GRK1: variants seen among roughly 807,000 people sequenced by gnomAD.
GRK1 encodes the protein G protein-coupled receptor kinase 1, also known as rhodopsin kinase GRK1.
Under a neutral mutation model 41.7 loss-of-function variants are expected in GRK1, and 28 were observed. That is an observed-to-expected ratio of 0.67 (90% CI 0.50 to 0.92). The LOEUF (loss-of-function observed/expected upper bound fraction) is 0.92. Ranked by LOEUF, GRK1 falls within the 40% of genes least tolerant of loss-of-function variation. The pLI, the probability that GRK1 is intolerant of heterozygous loss-of-function variation, is 0.00. For synonymous variants in GRK1, 327 were observed against 286.7 expected (o/e 1.14, Z -1.42); for missense variants, 703 against 671.2 (o/e 1.05, Z -0.52).
At chr13:113,666,066 C>T (rs2049816335), upstream of GRK1, among the ~76,000 whole-genome samples, 1 of 146,330 alleles carries the variant, frequency 6.8e-6, no homozygotes, top group Admixed American at 6.8e-5. Flanking sequence ...CCTCAGCTCT[C>T]CCAGGTGTGT....
the GRK1 span, among the ~76,000 whole-genome samples, chr13:113,660,841 A>T: frequency 6.6e-6 from 1 of 152,258 alleles, no homozygotes; most frequent in Non-Finnish European, 1.5e-5. Flanking sequence ...CAAATGAAAA[A>T]CTAGAAAGCT....
chr13:113,665,020 G>A (rs1049948095), upstream of GRK1, among the ~76,000 whole-genome samples: 4 of 152,216 alleles, frequency 2.6e-5, no homozygotes, highest in Admixed American at 6.5e-5. Flanking sequence ...CCGTGGGGAC[G>A]TCGGCTCGGT....
chr13:113,658,810 T>A, the GRK1 span, among the ~76,000 whole-genome samples: 1 of 152,194 alleles, frequency 6.6e-6, no homozygotes, highest in African/African-American at 2.4e-5. Context: ...CCTTTAGGAT[T>A]TTTTTGTGTC....
At chr13:113,651,544 C>T in the GRK1 span, 1 of 1,107,442 alleles carries the variant, frequency 9.0e-7, no homozygotes, top group Non-Finnish European at 1.2e-6. Context: ...GTGTTTACGT[C>T]TGGTTTACTG....
the GRK1 span, among the ~76,000 whole-genome samples, chr13:113,652,022 C>T: frequency 1.3e-5 from 2 of 152,154 alleles, no homozygotes; most frequent in Non-Finnish European, 2.9e-5. Flanking sequence ...TCTTAGCCCT[C>T]GAACCATGTC....
Position 113,671,703 on chromosome 13 carries a change from G to A in GRK1, c.985+47G>A, listed in dbSNP as rs2140720373. On this transcript the variant is annotated intron_variant, in intron 3 of 6. Transcript: ENST00000335678. This position sits in a 1 kb window ranked among gnomAD's most constrained non-coding sequence, Gnocchi z 4.1. ...GAGGGATGAGGGCTACGAGGAGGGC[G>A]GGGCGCAGCTTCCTTGGGGGTCTCT... The A allele has an allele frequency of 1.1e-5, 8 of 707,144 alleles. No individual in the cohort carries two copies. Among genetic ancestry groups the A allele is most frequent in the Middle Eastern group, 3.5e-4 (1 of 2,892 alleles). 43.8% of individuals were successfully genotyped at this position (707,144 alleles called of 1,614,324 possible). A position where few individuals can be genotyped will look rare whatever the true frequency, so the allele number is the denominator to read the frequency against.
chr13:113,733,977 C>T (rs879725541), intron 6 of GRK1, among the ~76,000 whole-genome samples: 15,567 of 105,624 alleles, frequency 0.15, 1,147 homozygotes, highest in Middle Eastern at 0.34. Context: ...TGCGTGTGTG[C>T]GCATGTGTGT....
the GRK1 span, chr13:113,654,890 G>A: frequency 7.4e-6 from 12 of 1,614,122 alleles, no homozygotes; most frequent in East Asian, 2.2e-5. Context: ...GGCACAGGGC[G>A]AAGAGCCCAG....
At chr13:113,665,870 G>A (rs914115741), upstream of GRK1, among the ~76,000 whole-genome samples, 6 of 147,196 alleles carry the variant, frequency 4.1e-5, no homozygotes, top group African/African-American at 1.5e-4. Flanking sequence ...GTGTGTCCAA[G>A]ATGTGCCCCA....
intron 2 of GRK1, among the ~76,000 whole-genome samples, chr13:113,670,062 G>A (rs1224951014): frequency 6.6e-6 from 1 of 152,184 alleles, no homozygotes; most frequent in Non-Finnish European, 1.5e-5. Flanking sequence ...GTGTGGTCTT[G>A]GTGTGGGTGT....
chr13:113,665,264 G>T (rs139687823), upstream of GRK1, among the ~76,000 whole-genome samples: 7 of 152,300 alleles, frequency 4.6e-5, no homozygotes, highest in Non-Finnish European at 5.9e-5. Context: ...CCTACTGTGT[G>T]CTGGAATAAG....
At chr13:113,661,929 T>G in the GRK1 span, among the ~76,000 whole-genome samples, 1 of 152,346 alleles carries the variant, frequency 6.6e-6, no homozygotes, top group South Asian at 2.1e-4. Context: ...CTTCACCATC[T>G]TTTGGAAAAT....
At chr13:113,653,062 TGGAGAGTA>T in the GRK1 span, 3 of 1,609,898 alleles carry the variant, frequency 1.9e-6, no homozygotes, top group Non-Finnish European at 2.5e-6. Flanking sequence ...CCTGGGCTGC[TGGAGAGTA>T]GCCTGCAGAC....
In GRK1 at chr13:113,731,028, G is replaced by C. The variant is rs1865078221; in HGVS notation, c.1070-191G>C. ...GTGCTGCTGTCACCCCACAGGCAGA[G>C]TCTGGGGTGCTGCTTGGCACCCAGT... On this transcript the variant is annotated intron_variant, in intron 4 of 6. Coordinates refer to ENST00000335678, the MANE Select transcript of GRK1 (RefSeq NM_002929.3). This position sits in a 1 kb window ranked among gnomAD's most constrained non-coding sequence, Gnocchi z 5.6. The C allele has an allele frequency of 3.0e-6, 1 of 330,802 alleles. No individual in the cohort carries two copies. Among genetic ancestry groups the C allele is most frequent in the African/African-American group, 2.2e-5 (1 of 44,520 alleles). The allele number at this position is 330,802 out of a possible 1,614,324, so 20.5% of individuals were successfully genotyped here.
chr13:113,735,215 C>T lies in GRK1; in HGVS notation c.1544C>T (p.Pro515Leu), dbSNP rs973583215. 6.5e-7 allele frequency: 1 copy of T among 1,537,180 alleles called. No homozygotes were observed. Among genetic ancestry groups the T allele is most frequent in the South Asian group, 1.2e-5 (1 of 84,070 alleles). Reference protein sequence around the residue: ...FFQEFATGNCPIPWQEEMIET... With the variant: ...FFQEFATGNCLIPWQEEMIET... ...CAGGAATTTGCCACTGGCAACTGCC[C>T]CATCCCCTGGCAGGAGGAGATGATC... Residue 515 changes from proline to leucine, a missense_variant, in exon 7 of 7, where the codon CCC becomes CTC. Pro to Leu is a moderately conservative substitution (Grantham distance 98). Coordinates refer to ENST00000335678, the MANE Select transcript of GRK1 (RefSeq NM_002929.3).
rs1555361238 is a variant in GRK1, at chr13:113,733,890, C to CAT, written c.1396+805_1396+806insAT. ...GTGTGCGTGTGTGCATACGTGTGTG[C>CAT]GTGTGTGTATGTGTGCATACAGTGT... is the stretch of plus-strand genomic sequence containing the variant. On this transcript the variant is annotated intron_variant, in intron 6 of 6. Transcript: ENST00000335678. Among the ~76,000 whole-genome samples, 15 of 70,546 alleles carry CAT rather than the reference C, an allele frequency of 2.1e-4. No individual in the cohort carries two copies. In the Admixed American group the frequency reaches 2.4e-3, roughly 11 times the overall value. 46.3% of individuals were successfully genotyped at this position (70,546 alleles called of 152,430 possible).
the GRK1 span, chr13:113,653,437 GGA>G: frequency 1.1e-5 from 18 of 1,611,882 alleles, no homozygotes; most frequent in Non-Finnish European, 1.4e-5. Context: ...GGTTACCCCT[GGA>G]GAGAGAGACC....
upstream of GRK1, among the ~76,000 whole-genome samples, chr13:113,664,439 G>C (rs2049805926): frequency 6.6e-6 from 1 of 152,112 alleles, no homozygotes; most frequent in South Asian, 2.1e-4. The surrounding 1 kb of genome is among the most constrained non-coding windows in gnomAD (Gnocchi z 5.4). Flanking sequence ...ATTAAAAAGG[G>C]ATTTTCAGGG....
chr13:113,668,982 T>C (rs958722919), intron 1 of GRK1, among the ~76,000 whole-genome samples: 1 of 152,262 alleles, frequency 6.6e-6, no homozygotes, highest in Non-Finnish European at 1.5e-5. Context: ...GGCGAGTAAC[T>C]ATGCTGTGTG....
Sources: gnomAD v4.1 joint callset for allele counts (sites outside exome capture counted in the v4.1 genomes callset) on GRCh38, gnomAD v4.1.1 for gene constraint, Gnocchi (gnomAD v3.1) non-coding constraint, MANE v1.5 for transcripts, NCBI Gene and HGNC (gene_info 2026-07-23, HGNC 2026-07-21) for gene names.